The following IGSF21 variants were observed in gnomAD, a reference collection of about 807,000 sequenced individuals.
IGSF21 encodes immunoglobulin superfamily member 21.
In IGSF21, 28 loss-of-function variants were observed where a neutral mutation model predicts 46.8. That is an observed-to-expected ratio of 0.60 (90% CI 0.44 to 0.82). The LOEUF is 0.82. Ranked by LOEUF, IGSF21 falls within the 40% of genes least tolerant of loss-of-function variation. The pLI is 0.00. For missense variants in IGSF21, 624 were observed against 665.5 expected (o/e 0.94, Z 0.69); for synonymous variants, 284 against 273.6 (o/e 1.04, Z -0.38).
chr1:18,174,558 C>T (rs1362840617), intron 1 of IGSF21, among the ~76,000 whole-genome samples: 3 of 152,196 alleles, frequency 2.0e-5, no homozygotes, highest in Admixed American at 1.3e-4. Flanking sequence ...CACATCCCCT[C>T]GCTCGCTCTT....
At chr1:18,276,274 G>A (rs890818311) in intron 2 of IGSF21, among the ~76,000 whole-genome samples, 14 of 152,278 alleles carry the variant, frequency 9.2e-5, no homozygotes, top group African/African-American at 3.1e-4. Context: ...TTCAGTGGGC[G>A]GCTGATCTGG....
intron 1 of IGSF21, among the ~76,000 whole-genome samples, chr1:18,186,477 CAGAAT>C (rs1261169076): frequency 1.3e-5 from 2 of 152,188 alleles, no homozygotes; most frequent in Non-Finnish European, 2.9e-5. Flanking sequence ...AAGATCCCTC[CAGAAT>C]AGCACTTGGA....
At chr1:18,165,699 A>G (rs1326967622) in intron 1 of IGSF21, among the ~76,000 whole-genome samples, 2 of 152,246 alleles carry the variant, frequency 1.3e-5, no homozygotes, top group African/African-American at 4.8e-5. Context: ...AATATCTGCT[A>G]GCCGTAATAA....
chr1:18,159,588 G>A (rs919821514), intron 1 of IGSF21, among the ~76,000 whole-genome samples: 6 of 151,858 alleles, frequency 4.0e-5, no homozygotes, highest in Admixed American at 2.6e-4. Context: ...CATGTAAGAT[G>A]TGCCTCTTGC....
chr1:18,257,235 A>G (rs2084901330), intron 2 of IGSF21, among the ~76,000 whole-genome samples: 2 of 152,182 alleles, frequency 1.3e-5, no homozygotes, highest in African/African-American at 2.4e-5. Flanking sequence ...GACCAGGAGC[A>G]TCATGCCAGT....
At chr1:18,283,850 C>T (rs555301769) in intron 2 of IGSF21, among the ~76,000 whole-genome samples, 308 of 152,264 alleles carry the variant, frequency 2.0e-3, no homozygotes, top group Admixed American at 3.6e-3. Context: ...AATGGCATCC[C>T]TTCTCTGGCC....
intron 1 of IGSF21, among the ~76,000 whole-genome samples, chr1:18,210,258 C>T (rs1019991189): frequency 5.3e-5 from 8 of 152,050 alleles, no homozygotes; most frequent in African/African-American, 1.9e-4. Flanking sequence ...AAGAGGGATC[C>T]CCCCCAGACA....
At chr1:18,350,983 T>G (rs1220123036) in intron 4 of IGSF21, among the ~76,000 whole-genome samples, 1 of 151,888 alleles carries the variant, frequency 6.6e-6, no homozygotes, top group Admixed American at 6.6e-5. Context: ...CACTGACCTG[T>G]GGAAACACGT....
rs2085746161 is a variant in IGSF21, at chr1:18,334,542, G to C, written c.306-350G>C. ...GTTTTGGTCCCATACTGCATGCAGCGACATACTAAATGCCCATACCTCTTC... is the reference window on the plus strand; with the variant it reads ...GTTTTGGTCCCATACTGCATGCAGCCACATACTAAATGCCCATACCTCTTC... On this transcript the variant is annotated intron_variant, in intron 3 of 9. Coordinates refer to ENST00000251296, the MANE Select transcript of IGSF21 (RefSeq NM_032880.5). The surrounding 1 kb of genome is among the most constrained non-coding windows in gnomAD (Gnocchi z 4.3). Among the ~76,000 whole-genome samples, 1 of 152,130 alleles carries C rather than the reference G, an allele frequency of 6.6e-6. No individual in the cohort carries two copies. The highest frequency in any genetic ancestry group is 1.5e-5 in the Non-Finnish European group (1 of 68,030).
chr1:18,355,374 A>G (rs2086004734), intron 4 of IGSF21, among the ~76,000 whole-genome samples: 1 of 152,196 alleles, frequency 6.6e-6, no homozygotes, highest in Admixed American at 6.5e-5. Flanking sequence ...GACAGGCAAT[A>G]TTTCGGAGTT....
intron 1 of IGSF21, among the ~76,000 whole-genome samples, chr1:18,213,287 G>A (rs1467319029): frequency 6.6e-6 from 1 of 152,120 alleles, no homozygotes; most frequent in Non-Finnish European, 1.5e-5. Flanking sequence ...TTAGTGGAAT[G>A]TAATAGTAGA....
intron 2 of IGSF21, among the ~76,000 whole-genome samples, chr1:18,245,556 AT>A (rs1360380701): frequency 1.3e-5 from 2 of 151,892 alleles, no homozygotes; most frequent in Non-Finnish European, 2.9e-5. Context: ...AGATGAATTC[AT>A]TTTTTTTCTC....
chr1:18,267,240 C>T lies in IGSF21; in HGVS notation c.184-24626C>T, dbSNP rs78177855. Among the ~76,000 whole-genome samples the T allele has an allele frequency of 2.8e-3, 432 of 152,188 alleles. 2 individuals carry two copies. Among genetic ancestry groups the T allele is most frequent in the African/African-American group, 8.9e-3 (368 of 41,520 alleles). On this transcript the variant is annotated intron_variant, in intron 2 of 9. Coordinates refer to ENST00000251296, the MANE Select transcript of IGSF21 (RefSeq NM_032880.5). ...GAGGACCAGCTGATTTGGGGAGATA[C>T]GGGAAGAACTTATTCAGGAGAGTCA...
intron 1 of IGSF21, among the ~76,000 whole-genome samples, chr1:18,222,825 C>A (rs765143949): frequency 6.6e-6 from 1 of 152,248 alleles, no homozygotes; most frequent in Non-Finnish European, 1.5e-5. Context: ...TAGAGGAGAA[C>A]TTTTCCTGTG....
In IGSF21 at chr1:18,166,241, A is replaced by G. The variant is rs532297203; in HGVS notation, c.70+58043A>G. Among the ~76,000 whole-genome samples the G allele has an allele frequency of 2.0e-5, 3 of 152,184 alleles. No individual in the cohort carries two copies. In the East Asian group the frequency reaches 5.8e-4, roughly 29 times the overall value. The stretch of plus-strand genomic sequence containing the variant: ...ATTTTACCTTGTATATTTTCTCCCT[A>G]CCCTATGCAGTATAGCCTCCTCAAG... On this transcript the variant is annotated intron_variant, in intron 1 of 9. Coordinates refer to ENST00000251296, the MANE Select transcript of IGSF21 (RefSeq NM_032880.5).
intron 5 of IGSF21, among the ~76,000 whole-genome samples, chr1:18,362,825 A>T (rs2086116601): frequency 6.6e-6 from 1 of 152,024 alleles, no homozygotes; most frequent in Non-Finnish European, 1.5e-5. Flanking sequence ...AGTTCACGAG[A>T]TTTTTTATGA....
At chr1:18,176,357 C>T (rs1308749226) in intron 1 of IGSF21, among the ~76,000 whole-genome samples, 3 of 152,210 alleles carry the variant, frequency 2.0e-5, no homozygotes, top group South Asian at 2.1e-4. Flanking sequence ...AGTTAAGGAA[C>T]GATCACAGGC....
chr1:18,215,840 C>G (rs1020964756), intron 1 of IGSF21, among the ~76,000 whole-genome samples: 2 of 152,160 alleles, frequency 1.3e-5, no homozygotes, highest in Non-Finnish European at 2.9e-5. Flanking sequence ...ACCTGGGCTA[C>G]AGCATAATCC....
chr1:18,140,899 G>A (rs74645278), intron 1 of IGSF21, among the ~76,000 whole-genome samples: 3,825 of 152,294 alleles, frequency 0.025, 144 homozygotes, highest in African/African-American at 0.087. Flanking sequence ...GCTCTCTGGG[G>A]GAGGAGGTAG....
Sources: allele counts gnomAD v4.1 joint callset (sites outside exome capture counted in the v4.1 genomes callset), GRCh38; gene constraint gnomAD v4.1.1; non-coding constraint Gnocchi (gnomAD v3.1); transcripts MANE v1.5; gene names NCBI Gene and HGNC (gene_info 2026-07-23, HGNC 2026-07-21).